LRRC28: variants seen among roughly 807,000 people sequenced by gnomAD.
LRRC28 encodes leucine rich repeat containing 28, also known as leucine-rich repeat-containing protein 28.
A neutral mutation model predicts 45.7 loss-of-function variants in LRRC28; 39 were observed. The ratio of observed to expected loss-of-function variants is 0.85; its 90% CI spans 0.66 to 1.12. The LOEUF is 1.12. LRRC28 is among the 50% of genes most tolerant of loss of function. The pLI, the probability that LRRC28 is intolerant of heterozygous loss-of-function variation, is 0.00. For synonymous variants in LRRC28, 206 were observed against 178.8 expected (o/e 1.15, Z -1.22); for missense variants, 435 against 438.5 (o/e 0.99, Z 0.07).
intron 8 of LRRC28, among the ~76,000 whole-genome samples, chr15:99,361,769 A>T (rs1957210280): frequency 6.6e-6 from 1 of 152,182 alleles, no homozygotes. Context: ...AGCACCCCCT[A>T]CAGGCACAGA....
At chr15:99,379,996 G>T (rs1036303702) in intron 9 of LRRC28, among the ~76,000 whole-genome samples, 19 of 152,218 alleles carry the variant, frequency 1.2e-4, no homozygotes, top group Non-Finnish European at 2.2e-4. Context: ...GTGATGTGGT[G>T]CTGAGAAGAA....
At chr15:99,266,777 T>A (rs977591493) in intron 2 of LRRC28, among the ~76,000 whole-genome samples, 1 of 152,228 alleles carries the variant, frequency 6.6e-6, no homozygotes, top group African/African-American at 2.4e-5. Context: ...TAGCACTGTT[T>A]GAGTCTTTAC....
At chr15:99,255,318 C>T (rs1394503161) in intron 1 of LRRC28, among the ~76,000 whole-genome samples, 1 of 151,558 alleles carries the variant, frequency 6.6e-6, no homozygotes, top group Non-Finnish European at 1.5e-5. Context: ...GATTGAGTCA[C>T]TGCGCCCCAG....
At chr15:99,383,611 C>T (rs573070318) in intron 9 of LRRC28, among the ~76,000 whole-genome samples, 3 of 152,308 alleles carry the variant, frequency 2.0e-5, no homozygotes, top group African/African-American at 7.2e-5. Flanking sequence ...ATGTAGTAGG[C>T]ATATGAACTC....
intron 6 of LRRC28, among the ~76,000 whole-genome samples, 174 bp from the exon 7 acceptor site, chr15:99,352,195 G>A (rs1468349919): frequency 1.3e-5 from 2 of 152,054 alleles, no homozygotes; most frequent in Non-Finnish European, 2.9e-5. Context: ...TGTATCAAGG[G>A]GCAGAACTAG....
At chr15:99,265,861 C>G (rs1235683497) in intron 2 of LRRC28, among the ~76,000 whole-genome samples, 2 of 152,184 alleles carry the variant, frequency 1.3e-5, no homozygotes, top group Admixed American at 6.5e-5. Context: ...AACCTGGAAG[C>G]AAAATCACTT....
At chr15:99,275,248 A>G (rs2152171022) in intron 2 of LRRC28, among the ~76,000 whole-genome samples, 1 of 152,304 alleles carries the variant, frequency 6.6e-6, no homozygotes, top group Non-Finnish European at 1.5e-5. Flanking sequence ...CTGTGAGTAG[A>G]CTTTTGTTCT....
chr15:99,345,383 G>T (rs1956646742), intron 6 of LRRC28, among the ~76,000 whole-genome samples: 1 of 152,124 alleles, frequency 6.6e-6, no homozygotes, highest in South Asian at 2.1e-4. Context: ...ATTCCAAAGT[G>T]TTCTATGTAC....
chr15:99,259,962 C>T (rs2081148319), intron 2 of LRRC28: 4 of 653,950 alleles, frequency 6.1e-6, no homozygotes, highest in Non-Finnish European at 8.5e-6. Context: ...GATGTGGGAA[C>T]AGATGAAGAA....
chr15:99,256,175 G>A lies in LRRC28; in HGVS notation c.168+50G>A, dbSNP rs746944378. The A allele has an allele frequency of 2.0e-6, 3 of 1,471,660 alleles. No individual in the cohort carries two copies. The South Asian group carries it at 4.0e-5, about 20-fold the overall frequency. 91.2% of individuals were successfully genotyped at this position (1,471,660 alleles called of 1,614,324 possible). ...AAAAATTATTTATACATGTGGTCCT[G>A]ATCAAGATACATTTACATACCCTAA... On this transcript the variant is annotated intron_variant, in intron 2 of 9. Transcript: ENST00000301981.
At chr15:99,265,496 T>C (rs182091509) in intron 2 of LRRC28, among the ~76,000 whole-genome samples, 1 of 152,296 alleles carries the variant, frequency 6.6e-6, no homozygotes, top group Non-Finnish European at 1.5e-5. Flanking sequence ...GAGAAGTTTC[T>C]GATGATGACA....
intron 2 of LRRC28, among the ~76,000 whole-genome samples, chr15:99,266,476 A>G (rs1399490820): frequency 6.6e-6 from 1 of 152,140 alleles, no homozygotes; most frequent in African/African-American, 2.4e-5. Context: ...TTGTCTAAAA[A>G]AAAAAAAATT....
At chr15:99,379,884 G>A (rs1957764503) in intron 9 of LRRC28, among the ~76,000 whole-genome samples, 1 of 152,230 alleles carries the variant, frequency 6.6e-6, no homozygotes, top group Non-Finnish European at 1.5e-5. Flanking sequence ...GTTCTAGTTT[G>A]ATTGCACTGT....
intron 6 of LRRC28, among the ~76,000 whole-genome samples, chr15:99,342,015 A>G (rs1956531403): frequency 6.6e-6 from 1 of 152,250 alleles, no homozygotes; most frequent in Non-Finnish European, 1.5e-5. Context: ...TCATACAAGC[A>G]GCCATGGCAG....
chr15:99,288,630 T>C (rs1378375230), intron 5 of LRRC28, among the ~76,000 whole-genome samples: 5 of 152,166 alleles, frequency 3.3e-5, no homozygotes, highest in Admixed American at 2.6e-4. Flanking sequence ...TCCACCTGCC[T>C]TGGCCTCCCA....
intron 6 of LRRC28, among the ~76,000 whole-genome samples, chr15:99,351,575 C>T (rs1394742669): frequency 6.6e-6 from 1 of 152,184 alleles, no homozygotes; most frequent in Non-Finnish European, 1.5e-5. Context: ...TTCTGCTTCA[C>T]TTCTTCCTCA....
intron 3 of LRRC28, chr15:99,285,648 TCATACAGCA>T: frequency 1.6e-6 from 1 of 639,546 alleles, no homozygotes; most frequent in Non-Finnish European, 2.8e-6. Context: ...GTGTACTATT[TCATACAGCA>T]TCTTGATTAT....
At chr15:99,281,981 G>C (rs1045217264) in intron 3 of LRRC28, among the ~76,000 whole-genome samples, 2 of 151,854 alleles carry the variant, frequency 1.3e-5, no homozygotes, top group South Asian at 4.2e-4. Context: ...TTTTGAGATG[G>C]GGGTCCCATT....
rs72758826 is a variant in LRRC28, at chr15:99,334,110, T to C, written c.573T>C (p.Arg191=). The C allele has an allele frequency of 4.6e-4, 747 of 1,614,092 alleles. No individual in the cohort carries two copies. The highest frequency in any genetic ancestry group is 6.1e-4 in the Non-Finnish European group (724 of 1,179,958). The change falls in exon 6 of 10, where the codon CGT becomes CGC. Residue 191 remains arginine (R), a synonymous_variant. Coordinates refer to ENST00000301981, the MANE Select transcript of LRRC28 (RefSeq NM_144598.5). ...SLNELSMAGN[R]LAFLPLDLGR... is the part of the protein sequence containing the mutation. ...ATGAGCTCTCCATGGCTGGAAACCG[T>C]CTTGCATTTTTGCCACTTGGTAAGT...
Sources: allele counts gnomAD v4.1 joint callset (sites outside exome capture counted in the v4.1 genomes callset), GRCh38; gene constraint gnomAD v4.1.1; transcripts MANE v1.5; gene names NCBI Gene and HGNC (gene_info 2026-07-23, HGNC 2026-07-21).